Variants in CCDC30 observed in about 807,000 individuals in gnomAD.
CCDC30 encodes the protein coiled-coil domain containing 30.
In CCDC30, 70 loss-of-function variants were observed where a neutral mutation model predicts 100.2. The ratio of observed to expected loss-of-function variants is 0.70; its 90% confidence interval spans 0.58 to 0.85. CCDC30 has a LOEUF of 0.85. Among genes scored for constraint, CCDC30 ranks in the 40% least tolerant of loss-of-function variants. The pLI is 0.00. For synonymous variants in CCDC30, 233 were observed against 269.5 expected, an observed-to-expected ratio of 0.86 and a Z score of 1.33; for missense variants, 652 against 771.2, an observed-to-expected ratio of 0.85 and a Z score of 1.83.
intron 4 of CCDC30, among the ~76,000 whole-genome samples, chr1:42,491,312 G>A (rs568414699): frequency 6.6e-6 from 1 of 152,202 alleles, no homozygotes; most frequent in South Asian, 2.1e-4. Flanking sequence ...CATCCTGGTG[G>A]AACTGGAAGT....
At chr1:42,502,050 C>G (rs752690979) in intron 6 of CCDC30, among the ~76,000 whole-genome samples, 2 of 152,204 alleles carry the variant, frequency 1.3e-5, no homozygotes, top group Non-Finnish European at 2.9e-5. Context: ...GCCCTGCCCC[C>G]AGAGGTGGAG....
At chr1:42,561,683 T>C (rs1244445783) in intron 6 of CCDC30, among the ~76,000 whole-genome samples, 2 of 152,186 alleles carry the variant, frequency 1.3e-5, no homozygotes, top group African/African-American at 4.8e-5. Context: ...GTAGATGACA[T>C]GATTTTATAT....
Position 42,545,406 on chromosome 1 carries a change from G to A in CCDC30, c.457-20890G>A. The A allele has an allele frequency of 6.5e-7, 1 of 1,547,508 alleles. No individual in the cohort carries two copies. The highest frequency in any genetic ancestry group is 2.4e-5 in the East Asian group (1 of 41,972). On this transcript the variant is annotated intron_variant, in intron 6 of 16. Transcript: ENST00000668663. ...GAATATTTGTCTTTCACTTAATTTT[G>A]CAGGTCTTGAAGCTTTCACAAGAAT...
chr1:42,514,422 A>G (rs1644523788), intron 6 of CCDC30, among the ~76,000 whole-genome samples: 2 of 152,146 alleles, frequency 1.3e-5, no homozygotes, highest in South Asian at 4.1e-4. Flanking sequence ...CTTTTTTATT[A>G]TAACCATCCT....
intron 11 of CCDC30, among the ~76,000 whole-genome samples, chr1:42,616,779 G>A (rs1646734611): frequency 1.3e-5 from 2 of 152,202 alleles, no homozygotes; most frequent in South Asian, 4.1e-4. Context: ...CAAATAGCCA[G>A]CAATGACAAG....
chr1:42,456,997 C>T, the CCDC30 span: 16 of 1,602,234 alleles, frequency 1.0e-5, no homozygotes, highest in East Asian at 3.6e-4. Context: ...CAGGCACCTT[C>T]CTGGCAGTAG....
chr1:42,527,042 T>A (rs1279420491), intron 6 of CCDC30, among the ~76,000 whole-genome samples: 3 of 152,198 alleles, frequency 2.0e-5, no homozygotes, highest in Non-Finnish European at 4.4e-5. Context: ...TTTGTGTTCA[T>A]CATTTTTCAA....
intron 6 of CCDC30, chr1:42,536,594 A>C (rs1322984889): frequency 6.2e-7 from 1 of 1,601,408 alleles, no homozygotes; most frequent in Admixed American, 1.7e-5. Flanking sequence ...TTGAAAGTTG[A>C]AAGTGAGGTA....
intron 6 of CCDC30, 67 bp downstream of exon 10, chr1:42,556,472 A>T: frequency 6.8e-7 from 1 of 1,469,404 alleles, no homozygotes; most frequent in South Asian, 1.4e-5. Context: ...TATAAGCATC[A>T]TTTTAAATAC....
intron 15 of CCDC30, among the ~76,000 whole-genome samples, chr1:42,647,043 T>C (rs1283173164): frequency 6.6e-6 from 1 of 152,046 alleles, no homozygotes; most frequent in African/African-American, 2.4e-5. Flanking sequence ...GAGGTTGCAG[T>C]GAGCCAAGAC....
At chr1:42,575,616 C>T (rs1329226723) in intron 7 of CCDC30, among the ~76,000 whole-genome samples, 3 of 115,464 alleles carry the variant, frequency 2.6e-5, no homozygotes, top group African/African-American at 1.0e-4. Context: ...TGCTACTGCA[C>T]TCCAGCCTGG....
intron 3 of CCDC30, among the ~76,000 whole-genome samples, chr1:42,487,110 CAAAAAAAAAA>C (rs58763328): frequency 2.2e-5 from 2 of 91,108 alleles, no homozygotes; most frequent in African/African-American, 4.0e-5. Flanking sequence ...TGCCCTGTCT[CAAAAAAAAAA>C]AAAAAAAAAA....
intron 6 of CCDC30, among the ~76,000 whole-genome samples, chr1:42,546,144 G>C (rs1268430672): frequency 1.3e-5 from 2 of 151,276 alleles, no homozygotes; most frequent in East Asian, 3.9e-4. Context: ...CCAGCACTTT[G>C]GGAGGCCAAG....
intron 13 of CCDC30, among the ~76,000 whole-genome samples, chr1:42,644,034 C>T (rs552969020): frequency 1.3e-5 from 2 of 152,216 alleles, no homozygotes; most frequent in East Asian, 1.9e-4. Context: ...ATTTAATAAC[C>T]ATGTACAGCC....
chr1:42,554,369 C>T (rs987737528), intron 6 of CCDC30, among the ~76,000 whole-genome samples: 2 of 151,318 alleles, frequency 1.3e-5, no homozygotes, highest in Non-Finnish European at 2.9e-5. Context: ...CTTCTGCCTC[C>T]TAGGTCCAAG....
At chr1:42,472,480 C>T (rs528416965) in intron 1 of CCDC30, among the ~76,000 whole-genome samples, 13 of 152,090 alleles carry the variant, frequency 8.5e-5, no homozygotes, top group Admixed American at 3.3e-4. Flanking sequence ...TAAAATAAAT[C>T]CTGGATAGTA....
In CCDC30 at chr1:42,507,388, A is replaced by G. The variant is rs191949214; in HGVS notation, c.456+8472A>G. Among the ~76,000 whole-genome samples, 24 of 152,346 alleles carry G rather than the reference A, an allele frequency of 1.6e-4. 1 individual carries two copies. In the East Asian group the frequency reaches 4.0e-3, roughly 26 times the overall value. ...TTTATTTCAATGCTCAATTTATGAA[A>G]AAATGATATAATACCCTTTTGAATT... On this transcript the variant is annotated intron_variant, in intron 6 of 16. Coordinates refer to ENST00000668663, the Ensembl canonical transcript of CCDC30.
intron 6 of CCDC30, among the ~76,000 whole-genome samples, chr1:42,558,671 T>C (rs1645422883): frequency 6.6e-6 from 1 of 152,156 alleles, no homozygotes; most frequent in African/African-American, 2.4e-5. Context: ...CTACAATTGA[T>C]TGGAGTACCA....
chr1:42,571,897 C>T (rs1390159779), intron 7 of CCDC30, among the ~76,000 whole-genome samples: 1 of 152,178 alleles, frequency 6.6e-6, no homozygotes, highest in Non-Finnish European at 1.5e-5. Flanking sequence ...GAGGGTTTAA[C>T]AGCACATTAT....
Sources: allele counts gnomAD v4.1 joint callset (sites outside exome capture counted in the v4.1 genomes callset), GRCh38; gene constraint gnomAD v4.1.1; transcripts MANE v1.5; gene names NCBI Gene and HGNC (gene_info 2026-07-23, HGNC 2026-07-21).